Variants in MYO15B observed in about 807,000 individuals in gnomAD.
The protein encoded by MYO15B is myosin XVB, also known as myosin XVB pseudogene.
A neutral mutation model predicts 119.3 loss-of-function variants in MYO15B; 207 were observed. That is an observed-to-expected ratio of 1.73 (90% confidence interval 1.55 to 1.95). The LOEUF (loss-of-function observed/expected upper bound fraction) is 1.95, where lower values mean the gene tolerates loss of function less well. Ranked by LOEUF, MYO15B falls within the 30% of genes most tolerant of loss-of-function variation. The pLI is 0.00. For missense variants in MYO15B, 2,264 were observed against 1,203.1 expected, an observed-to-expected ratio of 1.88 and a Z score of -13.04; for synonymous variants, 966 against 498.9, an observed-to-expected ratio of 1.94 and a Z score of -12.48.
chr17:75,620,966 T>G, intron 49 of MYO15B, 65 bp from the exon 50 acceptor site: 1 of 702,556 alleles, frequency 1.4e-6, no homozygotes, highest in Non-Finnish European at 2.6e-6. Context: ...GGGATGGGGC[T>G]GGGGCAGGAC....
chr17:75,592,566 C>T (rs555886423), intron 8 of MYO15B, 25 bp downstream of exon 8: 7 of 614,160 alleles, frequency 1.1e-5, no homozygotes, highest in African/African-American at 1.8e-5. Context: ...TGTGGTGCGG[C>T]GGGGAGGCCT....
intron 12 of MYO15B, among the ~76,000 whole-genome samples, chr17:75,595,738 G>A (rs769383569): frequency 2.0e-5 from 3 of 152,186 alleles, no homozygotes; most frequent in Non-Finnish European, 4.4e-5. Context: ...GGGCCCGCCT[G>A]TAGCCCCACT....
rs780051089 is a variant in MYO15B, at chr17:75,603,350, G to A, written c.4016+38G>A. The A allele has an allele frequency of 5.3e-5, 37 of 699,510 alleles. 2 individuals carry two copies. The highest frequency in any genetic ancestry group is 4.9e-4 in the South Asian group (33 of 67,322). 43.3% of individuals were successfully genotyped at this position (699,510 alleles called of 1,614,324 possible). A position where few individuals can be genotyped will look rare whatever the true frequency, so the allele number is the denominator to read the frequency against. ...ACCTCGGGGCAGGACTGACAAGGAG[G>A]CCACCGGGAGTGACTGGCAGCCCCG... On this transcript the variant is annotated intron_variant, in intron 19 of 63. Coordinates refer to ENST00000645453, the Ensembl canonical transcript of MYO15B.
chr17:75,617,265 C>A, exon 41 of MYO15B: 1 of 683,642 alleles, frequency 1.5e-6, no homozygotes, highest in Non-Finnish European at 2.7e-6. Context: ...ACCACTGCCT[C>A]TGCCCGAGGA....
chr17:75,619,665 CA>C lies in MYO15B; in HGVS notation c.7183-15del. ...AGGACCCAGGAGACTGCCCGAGACC[CA>C]CCACCTTCCTGTAGGGCGAGAGTGG... is the stretch of plus-strand genomic sequence containing the variant. On this transcript the variant is annotated splice_polypyrimidine_tract_variant and intron_variant, in intron 45 of 63. Transcript: ENST00000645453. The C allele has an allele frequency of 1.4e-6, 1 of 702,750 alleles. No homozygotes were observed. The highest frequency in any genetic ancestry group is 2.6e-6 in the Non-Finnish European group (1 of 384,892). The allele number at this position is 702,750 out of a possible 1,614,324, so 43.5% of individuals were successfully genotyped here.
chr17:75,590,831 G>T, intron 2 of MYO15B, 76 bp from the exon 3 acceptor site: 1 of 259,822 alleles, frequency 3.8e-6, no homozygotes, highest in South Asian at 5.6e-5. Context: ...CTGCAGAGTG[G>T]GACTGAGGGG....
intron 25 of MYO15B, 55 bp downstream of exon 25, chr17:75,612,071 C>T: frequency 1.5e-6 from 1 of 686,750 alleles, no homozygotes; most frequent in East Asian, 2.7e-5. Context: ...GAGTTAGCAC[C>T]TGCCTGACAG....
exon 16 of MYO15B, chr17:75,602,578 G>A: frequency 1.5e-6 from 1 of 679,582 alleles, no homozygotes; most frequent in East Asian, 2.7e-5. Flanking sequence ...GAGATGCTTG[G>A]CCAGAGCCAG....
chr17:75,614,843 C>T (rs974303921), exon 32 of MYO15B: 7 of 702,764 alleles, frequency 1.0e-5, no homozygotes, highest in African/African-American at 1.7e-5. Context: ...TATCCTCCGG[C>T]CTCAGCGTGA....
chr17:75,592,110 C>T (rs750278482), intron 6 of MYO15B, 30 bp downstream of exon 6: 1 of 702,474 alleles, frequency 1.4e-6, no homozygotes, highest in Non-Finnish European at 2.6e-6. Flanking sequence ...GGGGCACCTA[C>T]AATCACTTAC....
chr17:75,626,205 A>C (rs745600643), exon 63 of MYO15B: 2 of 702,878 alleles, frequency 2.8e-6, no homozygotes, highest in Non-Finnish European at 5.2e-6. Flanking sequence ...CAACCCCCAG[A>C]CCATCTGGTT....
chr17:75,588,201 G>T, exon 1 of MYO15B: 2 of 398,010 alleles, frequency 5.0e-6, no homozygotes, highest in Non-Finnish European at 8.9e-6. Flanking sequence ...CGGACAGGGC[G>T]AAACCGGCGG....
chr17:75,603,335 AG>A, intron 19 of MYO15B, 23 bp downstream of exon 19: 1 of 702,108 alleles, frequency 1.4e-6, no homozygotes. Flanking sequence ...ACCTCGGGGC[AG>A]GACTGACAAG....
chr17:75,605,694 G>T, intron 20 of MYO15B, 73 bp downstream of exon 20: 1 of 685,502 alleles, frequency 1.5e-6, no homozygotes, highest in South Asian at 1.5e-5. Flanking sequence ...GGCCCAAAGG[G>T]ACAAACCCAG....
intron 9 of MYO15B, among the ~76,000 whole-genome samples, chr17:75,593,682 G>A (rs1385936827): frequency 6.6e-6 from 1 of 151,778 alleles, no homozygotes; most frequent in Non-Finnish European, 1.5e-5. Context: ...CACACTGGGA[G>A]GCCTAGATGG....
At chr17:75,599,574 C>A (rs138897322) in intron 14 of MYO15B, among the ~76,000 whole-genome samples, 2,686 of 152,044 alleles carry the variant, frequency 0.018, 63 homozygotes, top group African/African-American at 0.06. Flanking sequence ...CACAAGCCAC[C>A]GCACCTGGCC....
intron 6 of MYO15B, 50 bp downstream of exon 6, chr17:75,592,130 G>A (rs1232125104): frequency 7.1e-6 from 5 of 701,950 alleles, no homozygotes; most frequent in Non-Finnish European, 1.0e-5. Flanking sequence ...CCCTTCCTGG[G>A]TCCTTGGGCT....
exon 28 of MYO15B, chr17:75,613,347 G>A: frequency 1.5e-6 from 1 of 675,872 alleles, no homozygotes; most frequent in South Asian, 1.5e-5. Flanking sequence ...AGCACAAGCT[G>A]CTGGGGGCCT....
At chr17:75,588,153 C>T (rs2056182345) in exon 1 of MYO15B, 1 of 398,008 alleles carries the variant, frequency 2.5e-6, no homozygotes, top group East Asian at 3.6e-5. Context: ...GCGCGGATGG[C>T]GCGCCCAGCC....
Sources: allele counts gnomAD v4.1 joint callset (sites outside exome capture counted in the v4.1 genomes callset), GRCh38; gene constraint gnomAD v4.1.1; transcripts MANE v1.5; gene names NCBI Gene and HGNC (gene_info 2026-07-23, HGNC 2026-07-21).